The following CEP85L variants were observed in gnomAD, a reference collection of about 807,000 sequenced individuals.
CEP85L encodes the protein centrosomal protein 85L, also known as centrosomal protein of 85 kDa-like.
Under a neutral mutation model 100.3 loss-of-function variants are expected in CEP85L, and 60 were observed. The observed-to-expected ratio is 0.60, with a 90% CI of 0.49 to 0.74. The LOEUF (loss-of-function observed/expected upper bound fraction) is 0.74, where lower values mean the gene tolerates loss of function less well. Ranked by LOEUF, CEP85L falls within the 30% of genes least tolerant of loss-of-function variation. The pLI, the probability that CEP85L is intolerant of heterozygous loss-of-function variation, is 0.00. For missense variants in CEP85L, 973 were observed against 936.2 expected, an observed-to-expected ratio of 1.04 and a Z score of -0.51; for synonymous variants, 319 against 322.7, an observed-to-expected ratio of 0.99 and a Z score of 0.12.
intron 2 of CEP85L, among the ~76,000 whole-genome samples, chr6:118,605,966 A>G (rs184890923): frequency 3.3e-5 from 5 of 149,710 alleles, no homozygotes; most frequent in African/African-American, 1.2e-4. Context: ...GTGAGCCAAG[A>G]TCGCGCCACT....
chr6:118,568,147 C>A lies in CEP85L; in HGVS notation c.233-1831G>T, dbSNP rs540887108. On this transcript the variant is annotated intron_variant, in intron 2 of 12. Coordinates refer to ENST00000368491, the MANE Select transcript of CEP85L (RefSeq NM_001042475.3). Reference sequence around the variant, plus strand: ...ATACAGGCAACAGCAGAGGCATCACCTTTCCACAACAGCAGTGACAGACGT... The same window carrying A: ...ATACAGGCAACAGCAGAGGCATCACATTTCCACAACAGCAGTGACAGACGT... 3.3e-5 allele frequency among the ~76,000 whole-genome samples: 5 copies of A among 152,328 alleles called. No homozygotes were observed. The East Asian group carries it at 9.6e-4, about 29-fold the overall frequency.
At chr6:118,671,776 A>G (rs530037734) in intron 1 of CEP85L, among the ~76,000 whole-genome samples, 21 of 152,232 alleles carry the variant, frequency 1.4e-4, no homozygotes, top group African/African-American at 5.1e-4. Context: ...CGTCTCTACT[A>G]AAAATACAAA....
At chr6:118,480,089 A>G (rs919124021) in intron 9 of CEP85L, among the ~76,000 whole-genome samples, 168 bp from the exon 10 acceptor site, 4 of 152,142 alleles carry the variant, frequency 2.6e-5, no homozygotes, top group African/African-American at 7.2e-5. Context: ...ATAAAACTAC[A>G]AAAGTCTTCC....
intron 2 of CEP85L, among the ~76,000 whole-genome samples, chr6:118,573,477 A>G (rs971010349): frequency 2.6e-5 from 4 of 152,214 alleles, no homozygotes; most frequent in Non-Finnish European, 4.4e-5. Flanking sequence ...AGGAAGAGCA[A>G]AGAGACAAAT....
At chr6:118,688,400 A>G (rs1007153458) in intron 1 of CEP85L, among the ~76,000 whole-genome samples, 1 of 152,124 alleles carries the variant, frequency 6.6e-6, no homozygotes, top group African/African-American at 2.4e-5. Flanking sequence ...TATCTTTTTC[A>G]CTGATGTATC....
chr6:118,478,800 A>G (rs1562179736), intron 10 of CEP85L, among the ~76,000 whole-genome samples: 2 of 152,140 alleles, frequency 1.3e-5, no homozygotes, highest in East Asian at 3.8e-4. Flanking sequence ...TGGTTAACAT[A>G]TAAGAGTAAA....
chr6:118,524,960 GT>G (rs1776880940), intron 3 of CEP85L, among the ~76,000 whole-genome samples: 2 of 152,206 alleles, frequency 1.3e-5, no homozygotes, highest in Admixed American at 1.3e-4. Flanking sequence ...AAATCAATCT[GT>G]GAGGTGGAGG....
chr6:118,511,219 G>A, intron 5 of CEP85L, 79 bp downstream of exon 5: 1 of 858,412 alleles, frequency 1.2e-6, no homozygotes, highest in East Asian at 2.5e-5. Flanking sequence ...GATTTAAAAT[G>A]TCCTTATATT....
chr6:118,678,753 G>A (rs1283067766), intron 1 of CEP85L, among the ~76,000 whole-genome samples: 9 of 152,244 alleles, frequency 5.9e-5, no homozygotes, highest in East Asian at 5.8e-4. Context: ...CCAACATGGC[G>A]AAACCCCATC....
chr6:118,570,907 C>T (rs1279252030), intron 2 of CEP85L, among the ~76,000 whole-genome samples: 1 of 151,888 alleles, frequency 6.6e-6, no homozygotes, highest in Non-Finnish European at 1.5e-5. Context: ...TACTGACATA[C>T]ATATGCACAC....
At chr6:118,575,294 A>C (rs1250300799) in intron 2 of CEP85L, among the ~76,000 whole-genome samples, 53 of 152,212 alleles carry the variant, frequency 3.5e-4, no homozygotes, top group Non-Finnish European at 6.8e-4. Context: ...AAAAGAAGCA[A>C]CAAATAATAA....
intron 1 of CEP85L, among the ~76,000 whole-genome samples, chr6:118,672,786 AGAAGGAGGAG>A (rs1554243596): frequency 6.7e-6 from 1 of 149,592 alleles, no homozygotes; most frequent in Non-Finnish European, 1.5e-5. Flanking sequence ...AGAAGAAAGA[AGAAGGAGGAG>A]GAAGGAGGAG....
At chr6:118,648,452 G>T (rs1393451606) in intron 1 of CEP85L, among the ~76,000 whole-genome samples, 1 of 150,824 alleles carries the variant, frequency 6.6e-6, no homozygotes, top group East Asian at 2.0e-4. Flanking sequence ...TTAGAAAGTG[G>T]TTCTATAAGC....
At chr6:118,613,045 C>A (rs1051036741) in intron 2 of CEP85L, among the ~76,000 whole-genome samples, 4 of 151,898 alleles carry the variant, frequency 2.6e-5, no homozygotes, top group East Asian at 3.9e-4. Flanking sequence ...ATGGAGAAAT[C>A]CCCTCTACTA....
chr6:118,682,740 AC>A (rs1360818775), intron 1 of CEP85L, among the ~76,000 whole-genome samples: 1 of 147,508 alleles, frequency 6.8e-6, no homozygotes, highest in Non-Finnish European at 1.5e-5. Context: ...AAGCCCTTGC[AC>A]CCCTGAAATA....
At chr6:118,651,158 T>C in intron 1 of CEP85L, 39 bp downstream of exon 1, 2 of 1,479,778 alleles carry the variant, frequency 1.4e-6, no homozygotes, top group Non-Finnish European at 8.9e-7. Flanking sequence ...CGGTCGGCCG[T>C]GACCCCCACC....
At chr6:118,698,878 C>T (rs890675041) in intron 1 of CEP85L, among the ~76,000 whole-genome samples, 3 of 151,376 alleles carry the variant, frequency 2.0e-5, no homozygotes, top group Non-Finnish European at 4.4e-5. Flanking sequence ...TGACGGTAAC[C>T]CCTGAGCTTT....
chr6:118,597,533 A>G (rs907201363), intron 2 of CEP85L, among the ~76,000 whole-genome samples: 3 of 152,236 alleles, frequency 2.0e-5, no homozygotes, highest in African/African-American at 7.2e-5. Context: ...ATACTCTCCC[A>G]TCTCTGAAAG....
intron 3 of CEP85L, 30 bp downstream of exon 3, chr6:118,565,499 G>C: frequency 6.2e-7 from 1 of 1,604,566 alleles, no homozygotes; most frequent in Non-Finnish European, 8.5e-7. Flanking sequence ...ATCCACTGGA[G>C]GGAAGCAAAC....
Sources: allele counts gnomAD v4.1 joint callset (sites outside exome capture counted in the v4.1 genomes callset), GRCh38; gene constraint gnomAD v4.1.1; transcripts MANE v1.5; gene names NCBI Gene and HGNC (gene_info 2026-07-23, HGNC 2026-07-21).